The following MSI2 variants were observed in gnomAD, a reference collection of about 807,000 sequenced individuals.
MSI2 encodes the protein RNA-binding protein Musashi homolog 2.
In MSI2, 17 loss-of-function variants were observed where a neutral mutation model predicts 45.6. The ratio of observed to expected loss-of-function variants is 0.37; its 90% CI spans 0.26 to 0.56. The LOEUF is 0.56. MSI2 is among the 20% of genes least tolerant of loss of function. MSI2 has a pLI of 0.77. For synonymous variants in MSI2, 156 were observed against 158.2 expected (o/e 0.99, Z 0.11); for missense variants, 293 against 444.2 (o/e 0.66, Z 3.06).
intron 7 of MSI2, among the ~76,000 whole-genome samples, chr17:57,586,240 T>G (rs1370717034): frequency 6.6e-6 from 1 of 151,994 alleles, no homozygotes; most frequent in Non-Finnish European, 1.5e-5. Flanking sequence ...TTAACAGGAG[T>G]CTGGGATGAG....
intron 5 of MSI2, among the ~76,000 whole-genome samples, chr17:57,322,952 A>G (rs1326693041): frequency 6.6e-6 from 1 of 151,804 alleles, no homozygotes. Context: ...TTGGTGAGAA[A>G]CAGGTTGAGA....
chr17:57,525,176 G>T (rs543892700), intron 6 of MSI2, among the ~76,000 whole-genome samples: 2 of 152,202 alleles, frequency 1.3e-5, no homozygotes, highest in Non-Finnish European at 2.9e-5. Flanking sequence ...CCGTGCAGTA[G>T]TCAGAAATAT....
intron 6 of MSI2, among the ~76,000 whole-genome samples, chr17:57,411,206 C>T (rs916866919): frequency 6.6e-5 from 10 of 152,034 alleles, no homozygotes; most frequent in African/African-American, 2.2e-4. Flanking sequence ...AGGGTTTCAC[C>T]GTGTTGCCGA....
chr17:57,525,531 T>C (rs2086679125), intron 6 of MSI2, among the ~76,000 whole-genome samples: 1 of 152,150 alleles, frequency 6.6e-6, no homozygotes, highest in Admixed American at 6.6e-5. Context: ...CAAGCGATTT[T>C]CCCACCTCAG....
chr17:57,508,948 A>AT (rs1359683547), intron 6 of MSI2, among the ~76,000 whole-genome samples: 1 of 152,232 alleles, frequency 6.6e-6, no homozygotes, highest in Non-Finnish European at 1.5e-5. Context: ...GTACAGTGTC[A>AT]TCTTCGATGA....
At chr17:57,279,055 T>C (rs1339192364) in intron 5 of MSI2, 1 of 152,106 alleles carries the variant, frequency 6.6e-6, no homozygotes, top group Non-Finnish European at 1.5e-5. Context: ...GGAAAAGCCT[T>C]AGCACTTGTT....
At chr17:57,576,753 TAAAAAA>T (rs569924345) in intron 7 of MSI2, among the ~76,000 whole-genome samples, 1 of 128,716 alleles carries the variant, frequency 7.8e-6, no homozygotes, top group African/African-American at 2.9e-5. Context: ...AATCTGTCTT[TAAAAAA>T]AAAAAAAAAA....
intron 6 of MSI2, among the ~76,000 whole-genome samples, chr17:57,457,490 TTA>T (rs1191011456): frequency 2.0e-5 from 3 of 152,232 alleles, no homozygotes; most frequent in Admixed American, 1.3e-4. Flanking sequence ...TGAACTTATT[TTA>T]AGGAGACTAA....
chr17:57,319,930 C>T (rs1340562827), intron 5 of MSI2, among the ~76,000 whole-genome samples: 4 of 152,136 alleles, frequency 2.6e-5, no homozygotes, highest in African/African-American at 9.7e-5. Context: ...GGGTTTTCTG[C>T]TCAGTGGTAA....
rs147234388 is a variant in MSI2 at position 57,438,571 on chromosome 17, G to A, written c.405+37100G>A. 6.3e-4 allele frequency among the ~76,000 whole-genome samples: 96 copies of A among 152,256 alleles called. 1 individual carries two copies. Among genetic ancestry groups the A allele is most frequent in the African/African-American group, 2.0e-3 (83 of 41,542 alleles). On this transcript the variant is annotated intron_variant, in intron 6 of 13. Transcript: ENST00000284073. ...AAATCAATTTAATTTCTGTGGCTCC[G>A]TGACAAGGAGGGGTGGCAAGCAGGA...
intron 5 of MSI2, among the ~76,000 whole-genome samples, chr17:57,336,773 G>T (rs1412210697): frequency 6.6e-6 from 1 of 152,160 alleles, no homozygotes; most frequent in Non-Finnish European, 1.5e-5. Context: ...TAAAATGTGT[G>T]TTATTTGCCT....
intron 10 of MSI2, chr17:57,631,915 C>G: frequency 6.4e-7 from 1 of 1,561,022 alleles, no homozygotes; most frequent in East Asian, 2.3e-5. Context: ...TGCCCCCGCT[C>G]CAGTCAATGC....
At chr17:57,312,397 C>G (rs1418435502) in intron 5 of MSI2, among the ~76,000 whole-genome samples, 2 of 152,118 alleles carry the variant, frequency 1.3e-5, no homozygotes, top group South Asian at 4.1e-4. Flanking sequence ...GTTTGAGAGG[C>G]TCCGGGTGGG....
intron 11 of MSI2, among the ~76,000 whole-genome samples, chr17:57,664,068 G>A (rs1912201756): frequency 6.6e-6 from 1 of 152,124 alleles, no homozygotes; most frequent in Non-Finnish European, 1.5e-5. Context: ...AGAAGACTTG[G>A]TTCCAGGCCT....
chr17:57,314,731 C>G (rs1912710229), intron 5 of MSI2, among the ~76,000 whole-genome samples: 1 of 151,948 alleles, frequency 6.6e-6, no homozygotes, highest in Non-Finnish European at 1.5e-5. Context: ...GCCACCACAC[C>G]CAGCTAATTT....
intron 12 of MSI2, among the ~76,000 whole-genome samples, chr17:57,676,160 T>A (rs1236429116): frequency 6.6e-6 from 1 of 152,248 alleles, no homozygotes; most frequent in African/African-American, 2.4e-5. Context: ...GCAGACAGTC[T>A]AGGGCACCAA....
intron 11 of MSI2, among the ~76,000 whole-genome samples, chr17:57,670,307 C>T (rs1912686551): frequency 6.6e-6 from 1 of 152,186 alleles, no homozygotes; most frequent in Non-Finnish European, 1.5e-5. Context: ...TGCCTAATTC[C>T]ACTCTCAGCC....
chr17:57,433,355 G>C (rs1308982022), intron 6 of MSI2, among the ~76,000 whole-genome samples: 1 of 152,156 alleles, frequency 6.6e-6, no homozygotes, highest in African/African-American at 2.4e-5. Flanking sequence ...CTTATAAGAA[G>C]ATCTGAAGTC....
intron 5 of MSI2, among the ~76,000 whole-genome samples, chr17:57,276,744 T>C (rs1908879546): frequency 6.6e-6 from 1 of 152,178 alleles, no homozygotes; most frequent in Non-Finnish European, 1.5e-5. Context: ...GGGCCATGAC[T>C]CATTTCCTTG....
Sources: gnomAD v4.1 joint callset for allele counts (sites outside exome capture counted in the v4.1 genomes callset) on GRCh38, gnomAD v4.1.1 for gene constraint, MANE v1.5 for transcripts, NCBI Gene and HGNC (gene_info 2026-07-23, HGNC 2026-07-21) for gene names.